LMLN: variants seen among roughly 807,000 people sequenced by gnomAD.
The protein encoded by LMLN is leishmanolysin like peptidase.
Under a neutral mutation model 92.3 loss-of-function variants are expected in LMLN, and 70 were observed. The observed-to-expected ratio is 0.76, with a 90% CI of 0.63 to 0.92. The LOEUF (loss-of-function observed/expected upper bound fraction) is 0.92, where lower values mean the gene tolerates loss of function less well. Ranked by LOEUF, LMLN falls within the 40% of genes least tolerant of loss-of-function variation. The pLI, the probability that LMLN is intolerant of heterozygous loss-of-function variation, is 0.00. For synonymous variants in LMLN, 308 were observed against 296.2 expected, an observed-to-expected ratio of 1.04 and a Z score of -0.41; for missense variants, 691 against 814.6, an observed-to-expected ratio of 0.85 and a Z score of 1.85.
At chr3:198,016,433 T>C (rs973206391) in intron 11 of LMLN, among the ~76,000 whole-genome samples, 3 of 152,192 alleles carry the variant, frequency 2.0e-5, no homozygotes, top group Non-Finnish European at 4.4e-5. Context: ...TTGCTGCTTA[T>C]GAAAATCGTC....
At chr3:198,035,026 C>T (rs1723173811) in intron 14 of LMLN, among the ~76,000 whole-genome samples, 1 of 152,034 alleles carries the variant, frequency 6.6e-6, no homozygotes, top group Non-Finnish European at 1.5e-5. Context: ...AAAACCCAAA[C>T]CCCATCTCTA....
intron 14 of LMLN, among the ~76,000 whole-genome samples, chr3:198,030,996 C>G (rs566392193): frequency 1.3e-5 from 2 of 151,272 alleles, no homozygotes; most frequent in Admixed American, 6.6e-5. Flanking sequence ...TCCACCGTGA[C>G]GCCTGCTGAC....
At chr3:198,016,067 C>T (rs553972574) in intron 11 of LMLN, among the ~76,000 whole-genome samples, 58 of 151,778 alleles carry the variant, frequency 3.8e-4, no homozygotes, top group Non-Finnish European at 6.8e-4. Flanking sequence ...TGGCGTGGCC[C>T]TGTAGTCCCA....
chr3:198,039,938 G>A (rs901333677), exon 16 of LMLN: 2 of 152,094 alleles, frequency 1.3e-5, no homozygotes, highest in Non-Finnish European at 2.9e-5. Flanking sequence ...ACTCTGCCCT[G>A]TAAAAACATG....
rs1054228171 is a variant in LMLN, at chr3:198,019,876, T to C, written c.1365+491T>C. On this transcript the variant is annotated intron_variant, in intron 12 of 15. Transcript: ENST00000330198. The surrounding 1 kb of genome is among the most constrained non-coding windows in gnomAD (Gnocchi z 5.5). The stretch of plus-strand genomic sequence containing the variant: ...TTTCTTTTTATCTTTTATCTTTTTT[T>C]CCGAGACCGAGTCTCACTCTGTCGC... 2.0e-5 allele frequency among the ~76,000 whole-genome samples: 3 copies of C among 152,168 alleles called. No homozygotes were observed. The highest frequency in any genetic ancestry group is 2.9e-5 in the Non-Finnish European group (2 of 68,030).
chr3:198,039,379 C>T (rs762647831), exon 16 of LMLN: 1 of 152,208 alleles, frequency 6.6e-6, no homozygotes. Context: ...ATCTTGTCCT[C>T]AAAAGTATAA....
chr3:197,974,356 C>G (rs113596055), intron 1 of LMLN, 21 bp from the exon 2 acceptor site: 2 of 1,354,510 alleles, frequency 1.5e-6, no homozygotes, highest in Non-Finnish European at 2.1e-6. Flanking sequence ...AAACAGTTTT[C>G]AAATCCGTTC....
intron 14 of LMLN, among the ~76,000 whole-genome samples, chr3:198,028,646 A>G (rs909657366): frequency 1.2e-4 from 19 of 152,200 alleles, no homozygotes; most frequent in African/African-American, 4.6e-4. Flanking sequence ...ACCTTTTAAT[A>G]TAAATTTTTA....
At chr3:197,982,358 G>A (rs990121544) in intron 6 of LMLN, among the ~76,000 whole-genome samples, 30 of 150,766 alleles carry the variant, frequency 2.0e-4, no homozygotes, top group African/African-American at 6.8e-4. Flanking sequence ...CCTGAGTAGC[G>A]GCGACTACAG....
intron 14 of LMLN, among the ~76,000 whole-genome samples, chr3:198,030,567 C>G (rs1239544449): frequency 6.6e-6 from 1 of 152,200 alleles, no homozygotes; most frequent in African/African-American, 2.4e-5. Context: ...TTGAGGAAAT[C>G]TCTTCTGGAC....
In LMLN at chr3:198,042,497, T is replaced by C. The variant is rs1478203497; in HGVS notation, c.*3830T>C. On this transcript the variant is annotated 3_prime_UTR_variant, in exon 16 of 16. Coordinates refer to ENST00000330198, the Ensembl canonical transcript of LMLN. This position sits in a 1 kb window ranked among gnomAD's most constrained non-coding sequence, Gnocchi z 4.2. ...TGAAGAAATTGAAATGGCCCACACG[T>C]TGATATCCTGTGGCAGGTTATACCC... 1.3e-5 allele frequency: 2 copies of C among 152,196 alleles called. No homozygotes were observed. The highest frequency in any genetic ancestry group is 3.8e-4 in the East Asian group (2 of 5,204). The allele number at this position is 152,196 out of a possible 1,614,324, so 9.4% of individuals were successfully genotyped here.
intron 13 of LMLN, among the ~76,000 whole-genome samples, chr3:198,021,877 C>T (rs769990560): frequency 2.0e-5 from 3 of 152,178 alleles, no homozygotes; most frequent in East Asian, 3.8e-4. Context: ...GGATTATTCG[C>T]GTATGCATGC....
At chr3:197,997,252 A>G (rs568550961) in intron 10 of LMLN, among the ~76,000 whole-genome samples, 28 of 152,032 alleles carry the variant, frequency 1.8e-4, no homozygotes, top group African/African-American at 6.8e-4. Context: ...ACCTCAGCCT[A>G]CTGAGTAGCT....
At chr3:197,999,412 A>G (rs1722112043) in intron 11 of LMLN, 70 bp downstream of exon 11, 1 of 1,089,468 alleles carries the variant, frequency 9.2e-7, no homozygotes, top group Non-Finnish European at 1.4e-6. Context: ...TTATAGCTTA[A>G]GAAAATGCTG....
intron 1 of LMLN, among the ~76,000 whole-genome samples, chr3:197,965,949 CT>C (rs1721046228): frequency 6.6e-6 from 1 of 152,152 alleles, no homozygotes. Flanking sequence ...GTGGTTCAAG[CT>C]TACATGTGTA....
At chr3:197,993,806 G>C (rs1457361111) in intron 9 of LMLN, among the ~76,000 whole-genome samples, 1 of 152,016 alleles carries the variant, frequency 6.6e-6, no homozygotes, top group Non-Finnish European at 1.5e-5. Flanking sequence ...TGAGCAAAAA[G>C]AACAAAGCTG....
At chr3:198,007,081 T>A (rs559508892) in intron 11 of LMLN, among the ~76,000 whole-genome samples, 1 of 152,184 alleles carries the variant, frequency 6.6e-6, no homozygotes, top group East Asian at 1.9e-4. Flanking sequence ...TTTTGGGTAG[T>A]AGTAGTCCTT....
intron 14 of LMLN, among the ~76,000 whole-genome samples, chr3:198,033,881 C>T (rs1481400541): frequency 2.0e-5 from 3 of 152,150 alleles, no homozygotes; most frequent in African/African-American, 4.8e-5. Flanking sequence ...ATGTGGATCA[C>T]GGAGTGACAG....
intron 11 of LMLN, among the ~76,000 whole-genome samples, chr3:198,012,904 C>G (rs569819746): frequency 1.6e-4 from 21 of 128,294 alleles, no homozygotes; most frequent in Admixed American, 1.4e-4. Context: ...TCTGACTTCT[C>G]TGTACCCTTC....
Sources: allele counts gnomAD v4.1 joint callset (sites outside exome capture counted in the v4.1 genomes callset), GRCh38; gene constraint gnomAD v4.1.1; non-coding constraint Gnocchi (gnomAD v3.1); transcripts MANE v1.5; gene names NCBI Gene and HGNC (gene_info 2026-07-23, HGNC 2026-07-21).